STARD5: variants seen among roughly 807,000 people sequenced by gnomAD.
The protein encoded by STARD5 is StAR related lipid transfer domain containing 5, also known as stAR-related lipid transfer protein 5.
Under a neutral mutation model 24.6 loss-of-function variants are expected in STARD5, and 26 were observed. That is an observed-to-expected ratio of 1.06 (90% confidence interval 0.77 to 1.47). STARD5 has a LOEUF of 1.47. STARD5 is among the 40% of genes most tolerant of loss of function. STARD5 has a pLI of 0.00. For missense variants in STARD5, 254 were observed against 270.8 expected (o/e 0.94, Z 0.44); for synonymous variants, 101 against 99.7 (o/e 1.01, Z -0.07).
Position 81,322,786 on chromosome 15 carries a change from G to T in STARD5, c.149+113C>A, listed in dbSNP as rs1172443459. Reference sequence around the variant, plus strand: ...TAAAAACAGTAAGGCTTTTCTGGAGGACAAGTGATCACAGGTTATAGGGTT... The same window carrying T: ...TAAAAACAGTAAGGCTTTTCTGGAGTACAAGTGATCACAGGTTATAGGGTT... On this transcript the variant is annotated intron_variant, in intron 2 of 5. Coordinates refer to ENST00000302824, the MANE Select transcript of STARD5 (RefSeq NM_181900.3). 3.5e-6 allele frequency: 5 copies of T among 1,423,868 alleles called. No homozygotes were observed. The Admixed American group carries it at 9.1e-5, about 26-fold the overall frequency. 88.2% of individuals were successfully genotyped at this position (1,423,868 alleles called of 1,614,324 possible).
In STARD5 at chr15:81,313,353, C is replaced by A. The variant is rs774438779; in HGVS notation, c.545G>T (p.Gly182Val). The change falls in exon 6 of 6, where the codon GGT (glycine) becomes GTT (valine). Residue 182 changes from glycine to valine, a missense_variant. Coordinates refer to ENST00000302824, the MANE Select transcript of STARD5 (RefSeq NM_181900.3). Reference sequence around the variant, plus strand: ...GTCCACCACGTTCTGTGGGAGGTAACCGCTGAGGTCGGTATGGAAGAATGT... The same window carrying A: ...GTCCACCACGTTCTGTGGGAGGTAAACGCTGAGGTCGGTATGGAAGAATGT... ...LVTFFHTDLSGYLPQNVVDSF... is the reference protein window; with the variant it reads ...LVTFFHTDLSVYLPQNVVDSF... 1.9e-6 allele frequency: 3 copies of A among 1,579,672 alleles called. No individual in the cohort carries two copies. Among genetic ancestry groups the A allele is most frequent in the Non-Finnish European group, 2.6e-6 (3 of 1,163,206 alleles).
At position 81,317,470 on chromosome 15, in the gene STARD5, T is replaced by C. The variant is rs1901108240; in HGVS notation, c.494+939A>G. Among the ~76,000 whole-genome samples the C allele has an allele frequency of 3.3e-5, 5 of 152,140 alleles. No individual in the cohort carries two copies. The South Asian group carries it at 1.0e-3, about 32-fold the overall frequency. On this transcript the variant is annotated intron_variant, in intron 5 of 5. Transcript: ENST00000302824. ...ACCTATATATTGGGAGAACTGAAAC[T>C]GAGTGCAGGTGTGTATGTCTGTGTG... is the stretch of plus-strand genomic sequence containing the variant.
chr15:81,313,629 G>A, intron 5 of STARD5: 1 of 348,612 alleles, frequency 2.9e-6, no homozygotes. Flanking sequence ...CCGGCCTCCA[G>A]GGAGGAAGAA....
At chr15:81,323,776 A>G (rs1280626952) in intron 1 of STARD5, 3 of 711,234 alleles carry the variant, frequency 4.2e-6, no homozygotes, top group African/African-American at 1.8e-5. Flanking sequence ...TGGGCAAGTC[A>G]CTGAGTGAAA....
At chr15:81,319,305 G>T in intron 4 of STARD5, 34 bp downstream of exon 4, 1 of 1,568,310 alleles carries the variant, frequency 6.4e-7, no homozygotes. Context: ...CGATATCGCA[G>T]GAAGGCATGG....
rs1900758668 is a variant in STARD5 at position 81,309,762 on chromosome 15, A to C, written c.*3494T>G. On this transcript the variant is annotated 3_prime_UTR_variant, in exon 6 of 6. Coordinates refer to ENST00000302824, the MANE Select transcript of STARD5 (RefSeq NM_181900.3). ...TATGAGGGTATCAAATAAAATTGCT[A>C]CTACTTACCTACCACATGCCAAGCA... is the stretch of plus-strand genomic sequence containing the variant. 6.6e-6 allele frequency: 1 copy of C among 152,224 alleles called. No homozygotes were observed. Among genetic ancestry groups the C allele is most frequent in the African/African-American group, 2.4e-5 (1 of 41,428 alleles). The allele number at this position is 152,224 out of a possible 1,614,324, so 9.4% of individuals were successfully genotyped here.
intron 3 of STARD5, among the ~76,000 whole-genome samples, chr15:81,322,188 ACT>A (rs920453155): frequency 3.9e-5 from 6 of 151,976 alleles, no homozygotes; most frequent in African/African-American, 1.2e-4. Flanking sequence ...CCCCGCAGAG[ACT>A]CTGTTTGGGG....
Position 81,311,305 on chromosome 15 carries a change from T to TATC in STARD5, c.*1948_*1950dup, listed in dbSNP as rs1275986186. On this transcript the variant is annotated 3_prime_UTR_variant, in exon 6 of 6. Coordinates refer to ENST00000302824, the MANE Select transcript of STARD5 (RefSeq NM_181900.3). Reference sequence around the variant, plus strand: ...CCCAGCATTTTACTGATTCATACATTATCTCACTTGTGCCAACACTCAAGA... The same window carrying TATC: ...CCCAGCATTTTACTGATTCATACATTATCATCTCACTTGTGCCAACACTCAAGA... 1 of 152,254 alleles carries TATC rather than the reference T, an allele frequency of 6.6e-6. No homozygotes were observed. Among genetic ancestry groups the TATC allele is most frequent in the Non-Finnish European group, 1.5e-5 (1 of 68,046 alleles). 9.4% of individuals were successfully genotyped at this position (152,254 alleles called of 1,614,324 possible). A position where few individuals can be genotyped will look rare whatever the true frequency, so the allele number is the denominator to read the frequency against.
chr15:81,314,893 GAAAA>G (rs5814055), intron 5 of STARD5, among the ~76,000 whole-genome samples: 3 of 104,050 alleles, frequency 2.9e-5, no homozygotes, highest in East Asian at 2.9e-4. Flanking sequence ...CCTCAAAAAA[GAAAA>G]AAAAAAAAAA....
chr15:81,324,111 C>A lies in STARD5; in HGVS notation c.-12G>T, dbSNP rs1241594992. ...AGCGCCGGGTCCATTGCGTCGGGAG[C>A]TGCGCTTAGCTGCGGGGTCGCGGGT... On this transcript the variant is annotated 5_prime_UTR_variant, in exon 1 of 6. Transcript: ENST00000302824. The A allele has an allele frequency of 2.2e-6, 3 of 1,367,344 alleles. No homozygotes were observed. The highest frequency in any genetic ancestry group is 1.9e-5 in the South Asian group (1 of 53,150). The allele number at this position is 1,367,344 out of a possible 1,614,324, so 84.7% of individuals were successfully genotyped here. A position where few individuals can be genotyped will look rare whatever the true frequency, so the allele number is the denominator to read the frequency against.
rs1900928300 is a variant in STARD5 at position 81,312,728 on chromosome 15, G to A, written c.*528C>T. ...ATTTCCAAGTTGACACCTTTTTTAAGGAAAAATAAATATTTTGCGGCATTA... is the reference window on the plus strand; with the variant it reads ...ATTTCCAAGTTGACACCTTTTTTAAAGAAAAATAAATATTTTGCGGCATTA... On this transcript the variant is annotated 3_prime_UTR_variant, in exon 6 of 6. Transcript: ENST00000302824. 1 of 152,204 alleles carries A rather than the reference G, an allele frequency of 6.6e-6. No homozygotes were observed. The highest frequency in any genetic ancestry group is 6.5e-5 in the Admixed American group (1 of 15,284). The allele number at this position is 152,204 out of a possible 1,614,324, so 9.4% of individuals were successfully genotyped here.
chr15:81,313,679 C>T (rs1900989044), intron 5 of STARD5: 4 of 258,336 alleles, frequency 1.5e-5, no homozygotes, highest in Non-Finnish European at 2.9e-5. Flanking sequence ...CCCTGCTGCC[C>T]GATTCACTCA....
At chr15:81,320,202 G>A (rs534538199) in intron 3 of STARD5, among the ~76,000 whole-genome samples, 5 of 152,286 alleles carry the variant, frequency 3.3e-5, no homozygotes, top group East Asian at 1.9e-4. Flanking sequence ...GAGAAGTCTC[G>A]GGGTAGGTGA....
chr15:81,324,096 C>A lies in STARD5; in HGVS notation c.4G>T (p.Asp2Tyr). 1 of 1,474,250 alleles carries A rather than the reference C, an allele frequency of 6.8e-7. No homozygotes were observed. The allele number at this position is 1,474,250 out of a possible 1,614,324, so 91.3% of individuals were successfully genotyped here. Residue 2 changes from aspartate to tyrosine, a missense_variant, in exon 1 of 6, where the codon GAC becomes TAC. Physicochemically the swap from Asp to Tyr is radical, Grantham distance 160. Coordinates refer to ENST00000302824, the MANE Select transcript of STARD5 (RefSeq NM_181900.3). Reference protein sequence around the residue: MDPALAAQMSEA... With the variant: MYPALAAQMSEA... ...CTCATCTGGGCTGCCAGCGCCGGGT[C>A]CATTGCGTCGGGAGCTGCGCTTAGC...
At chr15:81,320,146 C>G (rs1472323966) in intron 3 of STARD5, among the ~76,000 whole-genome samples, 2 of 152,090 alleles carry the variant, frequency 1.3e-5, no homozygotes, top group African/African-American at 4.8e-5. Context: ...CTCTCGAGGT[C>G]ACAGTGGAGA....
At chr15:81,317,185 A>G (rs1370893641) in intron 5 of STARD5, among the ~76,000 whole-genome samples, 2 of 131,024 alleles carry the variant, frequency 1.5e-5, no homozygotes, top group Non-Finnish European at 1.5e-5. Flanking sequence ...TGACAGCCAA[A>G]CTCCGTCTCA....
chr15:81,318,721 G>GAC (rs749747508), intron 4 of STARD5, among the ~76,000 whole-genome samples: 2 of 151,826 alleles, frequency 1.3e-5, no homozygotes, highest in African/African-American at 2.4e-5. Flanking sequence ...CTCACACACA[G>GAC]ACACACACAC....
chr15:81,314,896 A>AAG (rs1224480494), intron 5 of STARD5, among the ~76,000 whole-genome samples: 1 of 146,806 alleles, frequency 6.8e-6, no homozygotes, highest in Non-Finnish European at 1.5e-5. Context: ...CAAAAAAGAA[A>AAG]AAAAAAAAAA....
intron 1 of STARD5, chr15:81,323,153 T>C (rs937606333): frequency 5.1e-6 from 3 of 593,196 alleles, no homozygotes; most frequent in Non-Finnish European, 6.0e-6. Flanking sequence ...AGATCTTAAC[T>C]GGCTGACTCC....
Sources: allele counts gnomAD v4.1 joint callset (sites outside exome capture counted in the v4.1 genomes callset), GRCh38; gene constraint gnomAD v4.1.1; transcripts MANE v1.5; gene names NCBI Gene and HGNC (gene_info 2026-07-23, HGNC 2026-07-21).